Variants in ADRA1A observed in about 807,000 individuals in gnomAD.
ADRA1A encodes alpha-1A adrenergic receptor.
Under a neutral mutation model 29.6 loss-of-function variants are expected in ADRA1A, and 31 were observed. The ratio of observed to expected loss-of-function variants is 1.05; its 90% CI spans 0.79 to 1.41. The LOEUF (loss-of-function observed/expected upper bound fraction) is 1.41. ADRA1A is among the 40% of genes most tolerant of loss of function. ADRA1A has a pLI of 0.00. For missense variants in ADRA1A, 619 were observed against 601.1 expected, an observed-to-expected ratio of 1.03 and a Z score of -0.31; for synonymous variants, 311 against 254.3, an observed-to-expected ratio of 1.22 and a Z score of -2.12.
intron 2 of ADRA1A, among the ~76,000 whole-genome samples, chr8:26,856,216 T>G (rs1813032532): frequency 6.6e-6 from 1 of 152,218 alleles, no homozygotes; most frequent in Non-Finnish European, 1.5e-5. Context: ...CTGAAGGCAG[T>G]GACAAAAGAG....
intron 2 of ADRA1A, among the ~76,000 whole-genome samples, chr8:26,771,398 T>C (rs939674504): frequency 6.6e-6 from 1 of 151,654 alleles, no homozygotes; most frequent in African/African-American, 2.4e-5. Context: ...CACTACACTT[T>C]TTCTCCAGGT....
intron 2 of ADRA1A, among the ~76,000 whole-genome samples, chr8:26,804,311 A>G (rs1409872777): frequency 1.3e-5 from 2 of 152,126 alleles, no homozygotes; most frequent in Admixed American, 1.3e-4. Flanking sequence ...AGGCTTGTCT[A>G]TGAGTGTTCA....
chr8:26,788,121 A>T (rs1290513821), intron 2 of ADRA1A, among the ~76,000 whole-genome samples: 1 of 152,152 alleles, frequency 6.6e-6, no homozygotes, highest in Non-Finnish European at 1.5e-5. Context: ...TTCACAGAGA[A>T]ATGTGCTCAC....
chr8:26,840,483 C>G (rs1482139449), intron 2 of ADRA1A, among the ~76,000 whole-genome samples: 1 of 152,108 alleles, frequency 6.6e-6, no homozygotes, highest in Non-Finnish European at 1.5e-5. Context: ...AAACCCTAGA[C>G]TTTGGTTTGG....
At chr8:26,749,977 C>T (rs117754786) in intron 2 of ADRA1A, among the ~76,000 whole-genome samples, 2 of 152,216 alleles carry the variant, frequency 1.3e-5, no homozygotes, top group South Asian at 2.1e-4. Flanking sequence ...TGAAATTTGT[C>T]CTTGTCTTAG....
chr8:26,779,387 G>T (rs1291144170), intron 2 of ADRA1A: 1 of 702,592 alleles, frequency 1.4e-6, no homozygotes, highest in Non-Finnish European at 2.6e-6. Flanking sequence ...GTTGTTTAAA[G>T]CTGGGTGAGT....
chr8:26,840,798 T>C (rs1753857662), intron 2 of ADRA1A, among the ~76,000 whole-genome samples: 1 of 152,238 alleles, frequency 6.6e-6, no homozygotes, highest in African/African-American at 2.4e-5. Flanking sequence ...TAAGCATTTT[T>C]GTCCCCTATG....
chr8:26,847,778 C>G (rs565533279), intron 2 of ADRA1A, among the ~76,000 whole-genome samples: 1 of 152,176 alleles, frequency 6.6e-6, no homozygotes, highest in Non-Finnish European at 1.5e-5. Context: ...TCTTCTGATA[C>G]CATTTAATGA....
At chr8:26,748,861 A>G in intron 2 of ADRA1A, 1 of 356,160 alleles carries the variant, frequency 2.8e-6, no homozygotes, top group Admixed American at 3.8e-5. Flanking sequence ...CATTTGGCCA[A>G]CAGGATGACC....
Position 26,866,973 on chromosome 8 carries a change from G to C in ADRA1A, c.-724C>G, listed in dbSNP as rs529380741. On this transcript the variant is annotated 5_prime_UTR_variant, in exon 1 of 3. Transcript: ENST00000380573. This position sits in a 1 kb window ranked among gnomAD's most constrained non-coding sequence, Gnocchi z 5.7. ...TGCTGAGCCACCAGCTCGCGCGCGG[G>C]GGATGTGGACCCGGCTTCGGTCCCG... The C allele has an allele frequency of 2.0e-6, 2 of 985,280 alleles. No homozygotes were observed. The highest frequency in any genetic ancestry group is 9.4e-5 in the South Asian group (2 of 21,282). The allele number at this position is 985,280 out of a possible 1,614,324, so 61.0% of individuals were successfully genotyped here.
Position 26,867,261 on chromosome 8 carries a change from C to G in ADRA1A, c.-1012G>C. ...AAAAGAATAGCAAGGAACTTTGCAG[C>G]TCTCGCTGACGTAACTCAGGCAGTA... On this transcript the variant is annotated 5_prime_UTR_variant, in exon 1 of 3. Coordinates refer to ENST00000380573, the MANE Select transcript of ADRA1A (RefSeq NM_000680.4). The G allele has an allele frequency of 1.0e-6, 1 of 985,482 alleles. No individual in the cohort carries two copies. The highest frequency in any genetic ancestry group is 1.2e-6 in the Non-Finnish European group (1 of 829,956). The allele number at this position is 985,482 out of a possible 1,614,324, so 61.0% of individuals were successfully genotyped here.
rs1472114139 is a variant in ADRA1A, at chr8:26,787,852, G to T, written c.884-17186C>A. Among the ~76,000 whole-genome samples the T allele has an allele frequency of 6.6e-6, 1 of 151,890 alleles. No homozygotes were observed. The highest frequency in any genetic ancestry group is 1.5e-5 in the Non-Finnish European group (1 of 67,978). On this transcript the variant is annotated intron_variant, in intron 2 of 2. Coordinates refer to ENST00000380573, the MANE Select transcript of ADRA1A (RefSeq NM_000680.4). This position sits in a 1 kb window ranked among gnomAD's most constrained non-coding sequence, Gnocchi z 4.2. ...TATGATCAGTTTCCTTCCTCTGCAT[G>T]TAGCAGCTCTGCATCTACTTTCAGG...
chr8:26,804,729 C>T (rs7835853), intron 2 of ADRA1A, among the ~76,000 whole-genome samples: 36,300 of 152,026 alleles, frequency 0.24, 4,580 homozygotes, highest in Middle Eastern at 0.34. Flanking sequence ...TCCAGAATAA[C>T]ACCAGTAACC....
At chr8:26,802,794 T>A (rs1033117692) in intron 2 of ADRA1A, among the ~76,000 whole-genome samples, 1 of 152,174 alleles carries the variant, frequency 6.6e-6, no homozygotes, top group African/African-American at 2.4e-5. Flanking sequence ...GCAACACTAT[T>A]CACAATAGCC....
chr8:26,840,600 T>C (rs952819226), intron 2 of ADRA1A, among the ~76,000 whole-genome samples: 1 of 152,148 alleles, frequency 6.6e-6, no homozygotes, highest in Non-Finnish European at 1.5e-5. Context: ...TTTTTTTTTT[T>C]TTCTTGCCCT....
chr8:26,781,377 G>T (rs867215592), intron 2 of ADRA1A, among the ~76,000 whole-genome samples: 3 of 152,030 alleles, frequency 2.0e-5, no homozygotes, highest in Non-Finnish European at 4.4e-5. Context: ...TCCTTCATTC[G>T]TGTCTCTCTA....
At chr8:26,824,902 C>G (rs549921576) in intron 2 of ADRA1A, among the ~76,000 whole-genome samples, 1 of 152,208 alleles carries the variant, frequency 6.6e-6, no homozygotes, top group East Asian at 1.9e-4. Flanking sequence ...CAGCAAGACT[C>G]TCCAATGCAT....
At chr8:26,811,981 A>G (rs1809431095) in intron 2 of ADRA1A, among the ~76,000 whole-genome samples, 2 of 152,250 alleles carry the variant, frequency 1.3e-5, no homozygotes, top group Non-Finnish European at 2.9e-5. Flanking sequence ...GGGCACTGGA[A>G]TAGGTAAATA....
In ADRA1A at chr8:26,864,634, C is replaced by T. The variant is rs1413967151; in HGVS notation, c.336G>A (p.Ala112=). ...WAAVDVLCCT[A]SIMGLCIISI... is the part of the protein sequence containing the mutation. ...AGATGATGCAGAGGCCCATGATGGA[C>T]GCGGTGCAGCACAGCACATCCACTG... The change falls in exon 2 of 3, where the codon GCG becomes GCA. Residue 112 remains alanine, a synonymous_variant. Coordinates refer to ENST00000380573, the MANE Select transcript of ADRA1A (RefSeq NM_000680.4). This position sits in a 1 kb window ranked among gnomAD's most constrained non-coding sequence, Gnocchi z 8.1. The T allele has an allele frequency of 1.2e-6, 2 of 1,613,988 alleles. No individual in the cohort carries two copies. Among genetic ancestry groups the T allele is most frequent in the African/African-American group, 1.3e-5 (1 of 74,892 alleles).
Sources: allele counts gnomAD v4.1 joint callset (sites outside exome capture counted in the v4.1 genomes callset), GRCh38; gene constraint gnomAD v4.1.1; non-coding constraint Gnocchi (gnomAD v3.1); transcripts MANE v1.5; gene names NCBI Gene and HGNC (gene_info 2026-07-23, HGNC 2026-07-21).